ADAMTS15: variants seen among roughly 807,000 people sequenced by gnomAD.
ADAMTS15 encodes ADAM metallopeptidase with thrombospondin type 1 motif 15.
ADAMTS15 carries 35 observed loss-of-function variants against 79.1 expected under a neutral mutation model. The observed-to-expected ratio is 0.44, with a 90% CI of 0.34 to 0.59. ADAMTS15 has a LOEUF of 0.59. ADAMTS15 is among the 20% of genes least tolerant of loss of function. The pLI is 0.02. For missense variants in ADAMTS15, 1,324 were observed against 1,318.7 expected (o/e 1.00, Z -0.06); for synonymous variants, 616 against 567.3 (o/e 1.09, Z -1.22).
In ADAMTS15 at chr11:130,449,916, C is replaced by T. The variant is rs747242785; in HGVS notation, c.943C>T (p.Leu315Phe). 11 of 1,599,178 alleles carry T rather than the reference C, an allele frequency of 6.9e-6. No individual in the cohort carries two copies. In the African/African-American group the frequency reaches 8.0e-5, roughly 12 times the overall value. Residue 315 changes from leucine (L) to phenylalanine (F), a missense_variant, in exon 1 of 8, where the codon CTC (leucine) becomes TTC (phenylalanine). Coordinates refer to ENST00000299164, the MANE Select transcript of ADAMTS15 (RefSeq NM_139055.4). This position sits in a 1 kb window ranked among gnomAD's most constrained non-coding sequence, Gnocchi z 7.8. ...CCCCGAGTACTGGGACACTGCCATC[C>T]TCTTCACCAGGCAGGTGAGTTGATC... is the stretch of plus-strand genomic sequence containing the variant. ...KHPEYWDTAI[L>F]FTRQDLCGAT...
At position 130,473,031 on chromosome 11, in the gene ADAMTS15, C is replaced by G. The variant is rs1031973160; in HGVS notation, c.2079-16C>G. On this transcript the variant is annotated splice_polypyrimidine_tract_variant and intron_variant, in intron 7 of 7. Transcript: ENST00000299164. ...CAGGCTTCTATCTGATGCACGGCCC[C>G]CCTTTCCCCCGCCAGGCATGGCTAC... The G allele has an allele frequency of 6.2e-7, 1 of 1,611,678 alleles. No individual in the cohort carries two copies.
At position 130,468,584 on chromosome 11, in the gene ADAMTS15, T is replaced by C. The variant is rs1469003415; in HGVS notation, c.1543-678T>C. ...ATCGAGACCTTCCTGGCTAACACGG[T>C]GAAACCCCATCTCTACTAAAAATAC... On this transcript the variant is annotated intron_variant, in intron 4 of 7. Coordinates refer to ENST00000299164, the MANE Select transcript of ADAMTS15 (RefSeq NM_139055.4). Among the ~76,000 whole-genome samples the C allele has an allele frequency of 6.6e-5, 10 of 151,664 alleles. No individual in the cohort carries two copies. The East Asian group carries it at 1.7e-3, about 26-fold the overall frequency.
At chr11:130,454,180 C>T (rs1938026582) in intron 1 of ADAMTS15, among the ~76,000 whole-genome samples, 1 of 152,006 alleles carries the variant, frequency 6.6e-6, no homozygotes, top group Non-Finnish European at 1.5e-5. Flanking sequence ...CCTCTGTTTC[C>T]TCTCCTCTCA....
At chr11:130,454,016 C>T (rs535085245) in intron 1 of ADAMTS15, among the ~76,000 whole-genome samples, 2 of 152,272 alleles carry the variant, frequency 1.3e-5, no homozygotes, top group Non-Finnish European at 2.9e-5. Context: ...TGCTATGTTG[C>T]TGTGTTGCCC....
chr11:130,473,564 T>C lies in ADAMTS15; in HGVS notation c.2596T>C (p.Cys866Arg), dbSNP rs1304526159. ...TGGCCTGCAGAAGCGGGCGGTGGAC[T>C]GCCGGGGCTCCGCCGGGCAGCGCAC... ...GSGLQKRAVD[C>R]RGSAGQRTVP... The change falls in exon 8 of 8, where the codon TGC becomes CGC. Residue 866 changes from cysteine (C) to arginine (R), a missense_variant. Cys to Arg is a radical substitution (Grantham distance 180). Coordinates refer to ENST00000299164, the MANE Select transcript of ADAMTS15 (RefSeq NM_139055.4). 4 of 1,603,002 alleles carry C rather than the reference T, an allele frequency of 2.5e-6. No homozygotes were observed. The South Asian group carries it at 4.4e-5, about 18-fold the overall frequency.
chr11:130,473,918 C>T lies in ADAMTS15; in HGVS notation c.*97C>T. On this transcript the variant is annotated 3_prime_UTR_variant, in exon 8 of 8. Transcript: ENST00000299164. ...GGGCAGAGGACGGTGGCCAGGGGCTCACGCCACGATGTCACCCACATCCGG... is the reference window on the plus strand; with the variant it reads ...GGGCAGAGGACGGTGGCCAGGGGCTTACGCCACGATGTCACCCACATCCGG... 1.4e-6 allele frequency: 2 copies of T among 1,425,734 alleles called. No individual in the cohort carries two copies. Among genetic ancestry groups the T allele is most frequent in the African/African-American group, 1.4e-5 (1 of 70,028 alleles). 88.3% of individuals were successfully genotyped at this position (1,425,734 alleles called of 1,614,324 possible).
intron 1 of ADAMTS15, among the ~76,000 whole-genome samples, chr11:130,452,560 C>G (rs1407041101): frequency 2.0e-5 from 3 of 152,204 alleles, no homozygotes; most frequent in African/African-American, 7.2e-5. Context: ...ATAACGCTGC[C>G]GTTTGGGTGA....
chr11:130,450,055 G>A (rs1401812537), intron 1 of ADAMTS15, 125 bp downstream of exon 1: 4 of 1,493,344 alleles, frequency 2.7e-6, no homozygotes, highest in Non-Finnish European at 1.8e-6. Context: ...GATCTCTTCC[G>A]ACTCCAACTC....
rs1232476854 is a variant in ADAMTS15 at position 130,475,874 on chromosome 11, CGGGATGGCAGG to C, written c.*2059_*2069del. ...AGGAGAGGGTGGCATGGGGTCTGTG[CGGGATGGCAGG>C]GGGATTGGGTGGGTGGGAAGAGAGG... On this transcript the variant is annotated 3_prime_UTR_variant, in exon 8 of 8. Transcript: ENST00000299164. The C allele has an allele frequency of 1.4e-4, 3 of 21,848 alleles. No homozygotes were observed. The highest frequency in any genetic ancestry group is 2.6e-4 in the Non-Finnish European group (3 of 11,708). The allele number at this position is 21,848 out of a possible 1,614,324, so 1.4% of individuals were successfully genotyped here.
intron 1 of ADAMTS15, among the ~76,000 whole-genome samples, chr11:130,460,076 T>C (rs1408697681): frequency 6.6e-6 from 1 of 152,190 alleles, no homozygotes; most frequent in African/African-American, 2.4e-5. Flanking sequence ...TAATACATCA[T>C]AGCCATGATG....
At chr11:130,450,167 C>T in intron 1 of ADAMTS15, 1 of 985,482 alleles carries the variant, frequency 1.0e-6, no homozygotes, top group South Asian at 4.7e-5. Context: ...AAGGTGTTGG[C>T]CTGGCGCGGC....
chr11:130,462,683 C>T lies in ADAMTS15; in HGVS notation c.1445C>T (p.Thr482Ile), dbSNP rs754883977. 74 of 1,613,262 alleles carry T rather than the reference C, an allele frequency of 4.6e-5. No individual in the cohort carries two copies. The highest frequency in any genetic ancestry group is 1.8e-4 in the Admixed American group (11 of 60,004). ...GCCAAGGGACAGATGGTGTGCCAGA[C>T]CCGCCACTTCCCCTGGGCCGATGGC... ...GKAKGQMVCQTRHFPWADGTS... is the reference protein window; with the variant it reads ...GKAKGQMVCQIRHFPWADGTS... Residue 482 changes from threonine (T) to isoleucine (I), a missense_variant, in exon 4 of 8, where the codon ACC becomes ATC. Transcript: ENST00000299164. This position sits in a 1 kb window ranked among gnomAD's most constrained non-coding sequence, Gnocchi z 4.3.
intron 4 of ADAMTS15, among the ~76,000 whole-genome samples, chr11:130,465,908 C>T (rs1210595875): frequency 2.0e-5 from 3 of 149,346 alleles, no homozygotes; most frequent in Admixed American, 1.3e-4. Context: ...GTTTCACTCT[C>T]GTTGTCCAGG....
intron 7 of ADAMTS15, among the ~76,000 whole-genome samples, chr11:130,471,943 G>A (rs1450626322): frequency 1.3e-5 from 2 of 152,250 alleles, no homozygotes. Flanking sequence ...TCAGATTGAG[G>A]TGAGAATGGC....
rs1423046215 is a variant in ADAMTS15 at position 130,471,342 on chromosome 11, T to C, written c.2037T>C (p.Asn679=). The part of the protein sequence containing the change: ...FDKCGVCGGD[N]KSCKKVTGLF... ...AGTGTGGGGTGTGTGGGGGAGACAA[T>C]AAGAGCTGCAAGAAGGTGACTGGAC... The change falls in exon 7 of 8, where the codon AAT becomes AAC. Residue 679 remains asparagine (N), a synonymous_variant. Transcript: ENST00000299164. The C allele has an allele frequency of 1.9e-6, 3 of 1,611,386 alleles. No homozygotes were observed. The highest frequency in any genetic ancestry group is 2.5e-6 in the Non-Finnish European group (3 of 1,179,448).
chr11:130,450,150 C>T (rs1937933716), intron 1 of ADAMTS15: 2 of 985,504 alleles, frequency 2.0e-6, no homozygotes, highest in Non-Finnish European at 2.4e-6. Flanking sequence ...AGAGCCTGCG[C>T]TTTCCGAAGG....
At chr11:130,463,554 C>A (rs1938245349) in intron 4 of ADAMTS15, among the ~76,000 whole-genome samples, 1 of 152,148 alleles carries the variant, frequency 6.6e-6, no homozygotes, top group African/African-American at 2.4e-5. Flanking sequence ...ATCCCCTGTT[C>A]TCAGCTCGGG....
chr11:130,464,774 C>T (rs539930188), intron 4 of ADAMTS15, among the ~76,000 whole-genome samples: 95 of 152,050 alleles, frequency 6.2e-4, no homozygotes, highest in Admixed American at 1.1e-3. Flanking sequence ...TGAGACCAGC[C>T]TGGGCAACAT....
rs1386249887 is a variant in ADAMTS15 at position 130,462,175 on chromosome 11, C to A, written c.1179C>A (p.Thr393=). ...KLRANHMMSP[T]LIQIDRANPW... ...GAGCCAACCACATGATGTCCCCGAC[C>A]CTCATCCAGATCGACCGTGCCAACC... The change falls in exon 3 of 8, where the codon ACC becomes ACA. Residue 393 remains threonine (T), a synonymous_variant. Transcript: ENST00000299164. This position sits in a 1 kb window ranked among gnomAD's most constrained non-coding sequence, Gnocchi z 4.3. 1 of 1,614,062 alleles carries A rather than the reference C, an allele frequency of 6.2e-7. No individual in the cohort carries two copies. Among genetic ancestry groups the A allele is most frequent in the African/African-American group, 1.3e-5 (1 of 74,914 alleles).
Sources: allele counts gnomAD v4.1 joint callset (sites outside exome capture counted in the v4.1 genomes callset), GRCh38; gene constraint gnomAD v4.1.1; non-coding constraint Gnocchi (gnomAD v3.1); transcripts MANE v1.5; gene names NCBI Gene and HGNC (gene_info 2026-07-23, HGNC 2026-07-21).